RNF169: variants seen among roughly 807,000 people sequenced by gnomAD.
RNF169 encodes the protein E3 ubiquitin-protein ligase RNF169.
RNF169 carries 24 observed loss-of-function variants against 53.9 expected under a neutral mutation model. The ratio of observed to expected loss-of-function variants is 0.45; its 90% CI spans 0.32 to 0.63. RNF169 has a LOEUF of 0.63. Among genes scored for constraint, RNF169 ranks in the 20% least tolerant of loss-of-function variants. The probability of loss-of-function intolerance (pLI) is 0.04; values close to 1 mark genes in which losing one functional copy is unlikely to be tolerated. For synonymous variants in RNF169, 396 were observed against 363.5 expected, an observed-to-expected ratio of 1.09 and a Z score of -1.02; for missense variants, 883 against 906.2, an observed-to-expected ratio of 0.97 and a Z score of 0.33.
rs970231978 is a variant in RNF169 at position 74,838,174 on chromosome 11, A to G, written c.*1444A>G. The stretch of plus-strand genomic sequence containing the variant: ...AATGCTAGAACTGGAAGGGACCTTA[A>G]TGGTTATCTATTCCAGCCTCCTCCT... On this transcript the variant is annotated 3_prime_UTR_variant, in exon 6 of 6. Coordinates refer to ENST00000299563, the MANE Select transcript of RNF169 (RefSeq NM_001098638.2). The G allele has an allele frequency of 6.6e-6, 1 of 152,220 alleles. No individual in the cohort carries two copies. Among genetic ancestry groups the G allele is most frequent in the South Asian group, 2.1e-4 (1 of 4,828 alleles). 9.4% of individuals were successfully genotyped at this position (152,220 alleles called of 1,614,324 possible). A position where few individuals can be genotyped will look rare whatever the true frequency, so the allele number is the denominator to read the frequency against.
chr11:74,811,965 A>G (rs1010156772), intron 3 of RNF169, among the ~76,000 whole-genome samples: 2 of 152,234 alleles, frequency 1.3e-5, no homozygotes, highest in African/African-American at 4.8e-5. Flanking sequence ...CTCAGGCAGA[A>G]CAACCCAGAA....
At chr11:74,796,456 A>T (rs1027044107) in intron 2 of RNF169, among the ~76,000 whole-genome samples, 1 of 152,226 alleles carries the variant, frequency 6.6e-6, no homozygotes, top group Non-Finnish European at 1.5e-5. Flanking sequence ...AGACTTAGCC[A>T]TCTTTGTCTT....
At chr11:74,809,512 ATC>A (rs897675957) in intron 2 of RNF169, among the ~76,000 whole-genome samples, 1 of 152,188 alleles carries the variant, frequency 6.6e-6, no homozygotes, top group African/African-American at 2.4e-5. Flanking sequence ...TAAAGAGCAT[ATC>A]TCTCTGCCAT....
rs2036266265 is a variant in RNF169, at chr11:74,836,926, T to G, written c.*196T>G. On this transcript the variant is annotated 3_prime_UTR_variant, in exon 6 of 6. Transcript: ENST00000299563. ...TTCTCTGTGACCCAGGCCAGAAGCC[T>G]GAGTGACCCATCCCTAAGGGCTTCT... is the stretch of plus-strand genomic sequence containing the variant. The G allele has an allele frequency of 1.9e-6, 1 of 532,968 alleles. No individual in the cohort carries two copies. The highest frequency in any genetic ancestry group is 3.3e-5 in the East Asian group (1 of 30,608). The allele number at this position is 532,968 out of a possible 1,614,324, so 33.0% of individuals were successfully genotyped here.
intron 5 of RNF169, among the ~76,000 whole-genome samples, chr11:74,835,242 G>A (rs2036236005): frequency 6.6e-6 from 1 of 152,166 alleles, no homozygotes; most frequent in African/African-American, 2.4e-5. Flanking sequence ...AAAATGCTGG[G>A]ATTACAGCAC....
intron 4 of RNF169, among the ~76,000 whole-genome samples, chr11:74,824,008 TAAGAAAC>T (rs1457331594): frequency 6.6e-6 from 1 of 151,876 alleles, no homozygotes; most frequent in Non-Finnish European, 1.5e-5. Flanking sequence ...ATATGAGGCA[TAAGAAAC>T]AAGAAACAAT....
chr11:74,757,356 C>T (rs1355308324), intron 1 of RNF169, among the ~76,000 whole-genome samples: 1 of 92,344 alleles, frequency 1.1e-5, no homozygotes, highest in African/African-American at 4.6e-5. Flanking sequence ...CATAGTATTC[C>T]ATGGTGTATA....
chr11:74,815,574 G>A (rs143886957), intron 3 of RNF169, among the ~76,000 whole-genome samples: 1 of 152,088 alleles, frequency 6.6e-6, no homozygotes, highest in Admixed American at 6.5e-5. Context: ...AAGGAACTTG[G>A]CATATATCTG....
chr11:74,805,025 A>G (rs574536391), intron 2 of RNF169, among the ~76,000 whole-genome samples: 3 of 152,214 alleles, frequency 2.0e-5, no homozygotes, highest in Non-Finnish European at 4.4e-5. Context: ...TGATGCAGCA[A>G]TTCCACTTGT....
At chr11:74,789,604 T>C (rs2035552672) in intron 1 of RNF169, 22 bp from the exon 2 acceptor site, 1 of 1,559,024 alleles carries the variant, frequency 6.4e-7, no homozygotes, top group Non-Finnish European at 8.8e-7. Flanking sequence ...TTAAAAAGTA[T>C]TTTCTTTTCC....
At chr11:74,808,439 T>A (rs1207313334) in intron 2 of RNF169, among the ~76,000 whole-genome samples, 2 of 152,200 alleles carry the variant, frequency 1.3e-5, no homozygotes, top group Non-Finnish European at 2.9e-5. Flanking sequence ...TCCCCAGTTG[T>A]GACAATCAAA....
chr11:74,785,384 G>A (rs1250512291), intron 1 of RNF169, among the ~76,000 whole-genome samples: 1 of 147,330 alleles, frequency 6.8e-6, no homozygotes, highest in African/African-American at 2.5e-5. Context: ...AAATACTCTC[G>A]CTTAATTGAC....
At chr11:74,781,552 T>C (rs1591401033) in intron 1 of RNF169, among the ~76,000 whole-genome samples, 2 of 152,252 alleles carry the variant, frequency 1.3e-5, no homozygotes, top group East Asian at 3.8e-4. Flanking sequence ...TTCTTGTATG[T>C]ATATATTTGT....
At chr11:74,835,405 T>C (rs1257226443) in intron 5 of RNF169, 141 bp from the exon 6 acceptor site, 1 of 638,118 alleles carries the variant, frequency 1.6e-6, no homozygotes, top group Non-Finnish European at 2.7e-6. Context: ...TTAGGGATTT[T>C]CTCCATTTCT....
chr11:74,763,464 A>G (rs749591872), intron 1 of RNF169, among the ~76,000 whole-genome samples: 2 of 152,228 alleles, frequency 1.3e-5, no homozygotes, highest in Non-Finnish European at 2.9e-5. Flanking sequence ...TAAAGACTTT[A>G]AAGAATTGAC....
At chr11:74,778,732 A>G (rs2035373731) in intron 1 of RNF169, among the ~76,000 whole-genome samples, 1 of 152,204 alleles carries the variant, frequency 6.6e-6, no homozygotes, top group African/African-American at 2.4e-5. Context: ...ATTCAACTCA[A>G]AAGTCAGGAC....
In RNF169 at chr11:74,791,555, C is replaced by T. The variant is rs554491210; in HGVS notation, c.576+1856C>T. The stretch of plus-strand genomic sequence containing the variant: ...GGGGTGCCCAAAGTCTGGAGGGGGC[C>T]GAGGTGGCAGGGCGCTGCCATGTCA... On this transcript the variant is annotated intron_variant, in intron 2 of 5. Transcript: ENST00000299563. 3.1e-3 allele frequency among the ~76,000 whole-genome samples: 477 copies of T among 152,308 alleles called. 2 individuals carry two copies. The highest frequency in any genetic ancestry group is 0.01 in the Middle Eastern group (3 of 294).
chr11:74,836,481 C>T lies in RNF169; in HGVS notation c.1878C>T (p.Cys626=). Residue 626 remains cysteine (C), a synonymous_variant, in exon 6 of 6, where the codon TGC becomes TGT. Coordinates refer to ENST00000299563, the MANE Select transcript of RNF169 (RefSeq NM_001098638.2). ...TGCGTCGAGGCCGGAAAAGACACTG[C>T]AAGACCAAGCACTTAGAACAAAATG... is the stretch of plus-strand genomic sequence containing the variant. The part of the protein sequence containing the change: ...PSLRRGRKRH[C]KTKHLEQNGS... 6.2e-7 allele frequency: 1 copy of T among 1,614,196 alleles called. No homozygotes were observed.
intron 4 of RNF169, among the ~76,000 whole-genome samples, chr11:74,820,928 T>G (rs980051903): frequency 6.6e-6 from 1 of 152,192 alleles, no homozygotes; most frequent in Non-Finnish European, 1.5e-5. Flanking sequence ...CTCATGTGAT[T>G]TAATTCTCAT....
Sources: allele counts gnomAD v4.1 joint callset (sites outside exome capture counted in the v4.1 genomes callset), GRCh38; gene constraint gnomAD v4.1.1; transcripts MANE v1.5; gene names NCBI Gene and HGNC (gene_info 2026-07-23, HGNC 2026-07-21).